Variants in SFTPB observed in about 807,000 individuals in gnomAD.
The protein encoded by SFTPB is surfactant protein B.
SFTPB carries 32 observed loss-of-function variants against 51.0 expected under a neutral mutation model. The observed-to-expected ratio is 0.63, with a 90% CI of 0.47 to 0.84. The LOEUF is 0.84. Ranked by LOEUF, SFTPB falls within the 40% of genes least tolerant of loss-of-function variation. The pLI, the probability that SFTPB is intolerant of heterozygous loss-of-function variation, is 0.00. For missense variants in SFTPB, 431 were observed against 491.2 expected, an observed-to-expected ratio of 0.88 and a Z score of 1.16; for synonymous variants, 211 against 208.5, an observed-to-expected ratio of 1.01 and a Z score of -0.10.
chr2:85,665,457 C>T lies in SFTPB; in HGVS notation c.583-79G>A, dbSNP rs893638910. 4 of 1,430,256 alleles carry T rather than the reference C, an allele frequency of 2.8e-6. No individual in the cohort carries two copies. In the African/African-American group the frequency reaches 4.2e-5, roughly 15 times the overall value. 88.6% of individuals were successfully genotyped at this position (1,430,256 alleles called of 1,614,324 possible). A position where few individuals can be genotyped will look rare whatever the true frequency, so the allele number is the denominator to read the frequency against. ...AGGCTCTCCTCCCCTCTCTCTTCCTCCCTTTCTCTCCCTCCTCCCTTAGGC... is the reference window on the plus strand; with the variant it reads ...AGGCTCTCCTCCCCTCTCTCTTCCTTCCTTTCTCTCCCTCCTCCCTTAGGC... On this transcript the variant is annotated intron_variant, in intron 5 of 10. Coordinates refer to ENST00000519937, the MANE Select transcript of SFTPB (RefSeq NM_000542.5).
At chr2:85,668,020 T>G in intron 1 of SFTPB, 97 bp downstream of exon 1, 1 of 1,253,290 alleles carries the variant, frequency 8.0e-7, no homozygotes, top group African/African-American at 1.5e-5. Context: ...CTGCCTTGTC[T>G]TTAAAATGAG....
At chr2:85,662,840 C>CA (rs34015129) in intron 8 of SFTPB, among the ~76,000 whole-genome samples, 1,884 of 26,776 alleles carry the variant, frequency 0.07, 47 homozygotes, top group Non-Finnish European at 0.12. Flanking sequence ...AACTCCATCT[C>CA]AAAAAAAAAA....
At chr2:85,662,562 C>T (rs917543043) in intron 8 of SFTPB, among the ~76,000 whole-genome samples, 5 of 152,014 alleles carry the variant, frequency 3.3e-5, no homozygotes, top group Admixed American at 6.5e-5. Flanking sequence ...ATTTCCTGTC[C>T]GGGTGCAGTG....
intron 6 of SFTPB, among the ~76,000 whole-genome samples, chr2:85,664,755 C>T (rs1041856041): frequency 7.2e-5 from 11 of 152,198 alleles, no homozygotes; most frequent in African/African-American, 1.9e-4. Context: ...TGGTGGCCCA[C>T]GCAACCCTAT....
intron 10 of SFTPB, chr2:85,661,197 G>C (rs1166080330): frequency 4.9e-6 from 2 of 405,952 alleles, no homozygotes; most frequent in Non-Finnish European, 9.4e-6. Flanking sequence ...GGCAGGGCGG[G>C]GGGTTGGGGG....
At chr2:85,665,852 C>T in intron 4 of SFTPB, 58 bp from the exon 5 acceptor site, 1 of 1,556,740 alleles carries the variant, frequency 6.4e-7, no homozygotes, top group Non-Finnish European at 8.8e-7. Flanking sequence ...CACCCCTATT[C>T]AGGCCGGCCC....
intron 5 of SFTPB, 28 bp from the exon 6 acceptor site, chr2:85,665,406 G>A: frequency 6.3e-7 from 1 of 1,580,506 alleles, no homozygotes; most frequent in Non-Finnish European, 8.7e-7. Flanking sequence ...TGGAGGCCAG[G>A]CTGGGTGCTG....
chr2:85,661,386 G>A, intron 10 of SFTPB, 68 bp downstream of exon 10: 1 of 1,120,102 alleles, frequency 8.9e-7, no homozygotes, highest in Non-Finnish European at 1.3e-6. Flanking sequence ...GGGAGCAGAA[G>A]GGCCTCCCAT....
chr2:85,660,523 C>A (rs571929104), intron 10 of SFTPB, among the ~76,000 whole-genome samples: 1 of 147,194 alleles, frequency 6.8e-6, no homozygotes, highest in African/African-American at 2.5e-5. Flanking sequence ...GATCTCGGCA[C>A]ACCGCAACCT....
intron 3 of SFTPB, 72 bp downstream of exon 3, chr2:85,667,034 G>A: frequency 1.4e-6 from 2 of 1,380,856 alleles, no homozygotes; most frequent in South Asian, 1.2e-5. Context: ...CCCTTTAGGG[G>A]GCTCAGCTCT....
intron 8 of SFTPB, among the ~76,000 whole-genome samples, chr2:85,662,462 T>C (rs1677356929): frequency 6.6e-6 from 1 of 152,144 alleles, no homozygotes; most frequent in Admixed American, 6.5e-5. Context: ...GCTTGGGAGT[T>C]GCTGAGCAGG....
intron 4 of SFTPB, 194 bp downstream of exon 4, chr2:85,666,423 T>TGTGTG (rs1677621322): frequency 1.7e-5 from 7 of 419,392 alleles, no homozygotes; most frequent in Non-Finnish European, 3.0e-5. Context: ...AGCTGGGGTG[T>TGTGTG]TGTGTGTGTG....
chr2:85,662,963 C>T (rs1193342280), intron 8 of SFTPB, among the ~76,000 whole-genome samples: 4 of 151,882 alleles, frequency 2.6e-5, no homozygotes, highest in Admixed American at 6.6e-5. Flanking sequence ...GAGTGAGTCA[C>T]ACCTTGAGGA....
intron 4 of SFTPB, among the ~76,000 whole-genome samples, 178 bp from the exon 5 acceptor site, chr2:85,665,972 T>C (rs911225782): frequency 1.3e-5 from 2 of 152,118 alleles, no homozygotes; most frequent in East Asian, 3.9e-4. Context: ...GTGGGGACTT[T>C]AGGGCAGGTG....
chr2:85,665,573 C>T, intron 5 of SFTPB, 33 bp downstream of exon 5: 1 of 1,611,104 alleles, frequency 6.2e-7, no homozygotes, highest in East Asian at 2.2e-5. Context: ...CCCTCTGGAT[C>T]TCCACTTTAC....
In SFTPB at chr2:85,668,146, A is replaced by G. The variant is rs909160441; in HGVS notation, c.38T>C (p.Leu13Pro). The G allele has an allele frequency of 1.9e-6, 3 of 1,551,176 alleles. No individual in the cohort carries two copies. The highest frequency in any genetic ancestry group is 2.6e-6 in the Non-Finnish European group (3 of 1,146,808). Reference protein sequence around the residue: ...ESHLLQWLLLLLPTLCGPGTA... With the variant: ...ESHLLQWLLLPLPTLCGPGTA... ...GCCTGGGCCACAGAGCGTGGGCAGC[A>G]GCAGCAGCAGCCACTGCAGCAGGTG... Residue 13 changes from leucine to proline, a missense_variant, in exon 1 of 11, where the codon CTG (leucine) becomes CCG (proline). Leu to Pro is a moderately conservative substitution (Grantham distance 98). Coordinates refer to ENST00000519937, the MANE Select transcript of SFTPB (RefSeq NM_000542.5).
At chr2:85,663,151 C>T (rs1677394486) in intron 8 of SFTPB, among the ~76,000 whole-genome samples, 195 bp downstream of exon 8, 2 of 152,240 alleles carry the variant, frequency 1.3e-5, no homozygotes, top group African/African-American at 4.8e-5. Flanking sequence ...AGCCCTTTGT[C>T]CAGAGGCGAC....
At chr2:85,665,904 TG>T (rs1677561632) in intron 4 of SFTPB, 110 bp from the exon 5 acceptor site, 2 of 1,015,494 alleles carry the variant, frequency 2.0e-6, no homozygotes, top group Non-Finnish European at 3.0e-6. Context: ...GCAGGCCTAG[TG>T]GGGGTGCTGT....
In SFTPB at chr2:85,667,680, G is replaced by A; in HGVS notation, c.194C>T (p.Ala65Val). Residue 65 changes from alanine to valine, a missense_variant and splice_region_variant, in exon 2 of 11, where the codon GCC (alanine) becomes GTC (valine). By Grantham distance (64) the Ala-to-Val change is moderately conservative. Transcript: ENST00000519937. ...CLQEVWGHVGADDLCQECEDI... is the reference protein window; with the variant it reads ...CLQEVWGHVGVDDLCQECEDI... ...CCATGCATCCTTGGTGGTACTCACG[G>A]CTCCCACATGTCCCCAGACTTCCTG... 1 of 1,614,226 alleles carries A rather than the reference G, an allele frequency of 6.2e-7. No homozygotes were observed. The highest frequency in any genetic ancestry group is 8.5e-7 in the Non-Finnish European group (1 of 1,180,046).
Sources: allele counts gnomAD v4.1 joint callset (sites outside exome capture counted in the v4.1 genomes callset), GRCh38; gene constraint gnomAD v4.1.1; transcripts MANE v1.5; gene names NCBI Gene and HGNC (gene_info 2026-07-23, HGNC 2026-07-21).